Variants in GRIK3 observed in about 807,000 individuals in gnomAD.
GRIK3 encodes the protein glutamate receptor ionotropic, kainate 3.
Under a neutral mutation model 102.5 loss-of-function variants are expected in GRIK3, and 29 were observed. The ratio of observed to expected loss-of-function variants is 0.28; its 90% CI spans 0.21 to 0.39. GRIK3 has a LOEUF of 0.39. Ranked by LOEUF, GRIK3 falls within the 10% of genes least tolerant of loss-of-function variation. The pLI is 1.00. For synonymous variants in GRIK3, 511 were observed against 504.9 expected, an observed-to-expected ratio of 1.01 and a Z score of -0.16; for missense variants, 908 against 1,252.4, an observed-to-expected ratio of 0.73 and a Z score of 4.15.
chr1:36,998,321 A>G (rs930323071), intron 1 of GRIK3, among the ~76,000 whole-genome samples: 2 of 152,144 alleles, frequency 1.3e-5, no homozygotes, highest in African/African-American at 4.8e-5. Context: ...ACCGTGTCCT[A>G]CTGCTGGACT....
chr1:36,835,761 C>T (rs1259384532), intron 10 of GRIK3, among the ~76,000 whole-genome samples: 1 of 152,228 alleles, frequency 6.6e-6, no homozygotes, highest in Non-Finnish European at 1.5e-5. Flanking sequence ...CTTCATCCCT[C>T]AAGCCCTCTT....
intron 1 of GRIK3, among the ~76,000 whole-genome samples, chr1:36,918,866 TCTCATTCATTCATTCA>T: frequency 6.6e-6 from 1 of 152,228 alleles, no homozygotes; most frequent in Non-Finnish European, 1.5e-5. Flanking sequence ...GCAGCCCTTC[TCTCATTCATTCATTCA>T]CTCATTCATT....
chr1:36,928,672 C>G (rs748059368), intron 1 of GRIK3, among the ~76,000 whole-genome samples: 1 of 152,184 alleles, frequency 6.6e-6, no homozygotes, highest in African/African-American at 2.4e-5. Flanking sequence ...CCCTGGTTTC[C>G]CACAATCCAA....
At chr1:36,959,130 A>G (rs1279188713) in intron 1 of GRIK3, among the ~76,000 whole-genome samples, 746 of 48,574 alleles carry the variant, frequency 0.015, no homozygotes, top group Middle Eastern at 0.088. Context: ...TGCCCCATGA[A>G]CCTGTGTGTC....
chr1:36,844,763 T>C (rs1409935870), intron 9 of GRIK3, among the ~76,000 whole-genome samples: 2 of 152,212 alleles, frequency 1.3e-5, no homozygotes, highest in African/African-American at 4.8e-5. Context: ...TTATTAATCA[T>C]TATCATCCTT....
intron 1 of GRIK3, among the ~76,000 whole-genome samples, chr1:36,898,980 T>A (rs1248479813): frequency 6.6e-6 from 1 of 152,136 alleles, no homozygotes; most frequent in African/African-American, 2.4e-5. Context: ...AATGTCCACA[T>A]GTAAAAGAAT....
At chr1:36,940,502 A>G (rs948934580) in intron 1 of GRIK3, among the ~76,000 whole-genome samples, 7 of 152,358 alleles carry the variant, frequency 4.6e-5, no homozygotes, top group African/African-American at 1.7e-4. Context: ...TGGATGGTAA[A>G]TATTCATGGG....
At chr1:36,809,712 C>T (rs368465341) in intron 13 of GRIK3, among the ~76,000 whole-genome samples, 5 of 152,228 alleles carry the variant, frequency 3.3e-5, no homozygotes, top group East Asian at 3.9e-4. Context: ...TAGATGGAGA[C>T]AGAAATTTCA....
intron 13 of GRIK3, among the ~76,000 whole-genome samples, chr1:36,809,118 G>GC (rs1457678816): frequency 1.3e-5 from 2 of 151,838 alleles, no homozygotes; most frequent in Non-Finnish European, 1.5e-5. Context: ...TAATGCATCT[G>GC]CCCATCTAAT....
At chr1:36,990,170 C>T (rs1440446539) in intron 1 of GRIK3, among the ~76,000 whole-genome samples, 1 of 152,092 alleles carries the variant, frequency 6.6e-6, no homozygotes, top group Non-Finnish European at 1.5e-5. Context: ...AGCCCTGAGC[C>T]CCCGCCCAGC....
intron 7 of GRIK3, among the ~76,000 whole-genome samples, chr1:36,858,825 C>A (rs1014294214): frequency 6.6e-6 from 1 of 152,196 alleles, no homozygotes; most frequent in Admixed American, 6.5e-5. Flanking sequence ...AGCAAACACC[C>A]TCATCTGTTG....
Position 36,924,082 on chromosome 1 carries a change from A to G in GRIK3, c.116-32986T>C, listed in dbSNP as rs193055797. Among the ~76,000 whole-genome samples the G allele has an allele frequency of 2.2e-3, 336 of 152,280 alleles. 1 individual carries two copies. Among genetic ancestry groups the G allele is most frequent in the Non-Finnish European group, 4.2e-3 (284 of 68,022 alleles). ...GGAGGATGTCAGACACATTTCAGAG[A>G]CAGCGGTGGGGCTAAGGGGCAGGGA... On this transcript the variant is annotated intron_variant, in intron 1 of 15. Coordinates refer to ENST00000373091, the MANE Select transcript of GRIK3 (RefSeq NM_000831.4).
intron 1 of GRIK3, among the ~76,000 whole-genome samples, chr1:36,926,204 G>A (rs944297427): frequency 1.3e-5 from 2 of 152,144 alleles, no homozygotes; most frequent in East Asian, 1.9e-4. Flanking sequence ...CTAACTGTTT[G>A]TGGTCCTGAC....
intron 1 of GRIK3, among the ~76,000 whole-genome samples, chr1:37,029,321 C>G (rs964132203): frequency 5.9e-5 from 9 of 152,260 alleles, no homozygotes; most frequent in African/African-American, 2.2e-4. Context: ...CCTGCTCCTG[C>G]AACATTGGTC....
chr1:36,822,185 T>A (rs542065715), intron 11 of GRIK3, among the ~76,000 whole-genome samples: 4 of 152,212 alleles, frequency 2.6e-5, no homozygotes, highest in Non-Finnish European at 2.9e-5. Flanking sequence ...CCTTGTCTTC[T>A]GGGGCTTGGC....
At chr1:36,984,209 TTCAC>T (rs111276693) in intron 1 of GRIK3, among the ~76,000 whole-genome samples, 6,397 of 152,120 alleles carry the variant, frequency 0.042, 454 homozygotes, top group African/African-American at 0.15. Context: ...TGCACACACA[TTCAC>T]TCTCTCTCAT....
chr1:36,888,271 G>C (rs1282792862), intron 2 of GRIK3, among the ~76,000 whole-genome samples: 1 of 152,168 alleles, frequency 6.6e-6, no homozygotes, highest in Non-Finnish European at 1.5e-5. Context: ...ACAAAGCAAA[G>C]AGCAAGGCTT....
chr1:37,031,789 T>G (rs934273468), intron 1 of GRIK3, among the ~76,000 whole-genome samples: 3 of 152,214 alleles, frequency 2.0e-5, no homozygotes, highest in African/African-American at 4.8e-5. Context: ...TCTCTCTCTC[T>G]CGCTCGCTCG....
chr1:36,965,334 T>C (rs1642067620), intron 1 of GRIK3, among the ~76,000 whole-genome samples: 1 of 152,184 alleles, frequency 6.6e-6, no homozygotes, highest in South Asian at 2.1e-4. Context: ...AGATTATAAA[T>C]GTAATTTCAT....
Sources: gnomAD v4.1 joint callset for allele counts (sites outside exome capture counted in the v4.1 genomes callset) on GRCh38, gnomAD v4.1.1 for gene constraint, MANE v1.5 for transcripts, NCBI Gene and HGNC (gene_info 2026-07-23, HGNC 2026-07-21) for gene names.